TUSC3: variants seen among roughly 807,000 people sequenced by gnomAD.
TUSC3 encodes dolichyl-diphosphooligosaccharide--protein glycosyltransferase subunit TUSC3.
In TUSC3, 45 loss-of-function variants were observed where a neutral mutation model predicts 44.8. That is an observed-to-expected ratio of 1.00 (90% CI 0.79 to 1.29). The LOEUF (loss-of-function observed/expected upper bound fraction) is 1.29. Ranked by LOEUF, TUSC3 falls within the 50% of genes most tolerant of loss-of-function variation. The pLI, the probability that TUSC3 is intolerant of heterozygous loss-of-function variation, is 0.00. For synonymous variants in TUSC3, 212 were observed against 152.9 expected (o/e 1.39, Z -2.85); for missense variants, 519 against 437.9 (o/e 1.19, Z -1.65).
chr8:15,687,358 G>A (rs553595164), intron 6 of TUSC3, among the ~76,000 whole-genome samples: 142 of 152,202 alleles, frequency 9.3e-4, no homozygotes, highest in Admixed American at 2.4e-3. Context: ...TGATATTTGA[G>A]GCTGCAATTG....
chr8:15,495,302 C>G (rs1037173905), intron 2 of TUSC3, among the ~76,000 whole-genome samples: 1 of 152,172 alleles, frequency 6.6e-6, no homozygotes, highest in Non-Finnish European at 1.5e-5. Context: ...GAGGCTTCTA[C>G]TTTGTCTCCC....
chr8:15,768,086 C>A (rs148715566), downstream of TUSC3, among the ~76,000 whole-genome samples: 321 of 152,212 alleles, frequency 2.1e-3, 2 homozygotes, highest in Middle Eastern at 0.024. Flanking sequence ...GTAAACAGCC[C>A]AGATAAGTGT....
In TUSC3 at chr8:15,480,965, C is replaced by A. The variant is rs560937921; in HGVS notation, n.92-2421C>A. Among the ~76,000 whole-genome samples, 901 of 152,072 alleles carry A rather than the reference C, an allele frequency of 5.9e-3. 12 individuals are homozygous for A. The highest frequency in any genetic ancestry group is 0.021 in the African/African-American group (851 of 41,510). Reference sequence around the variant, plus strand: ...TTTGCAACAGTATTAAGAAGTGGGGCCTTCAGGCAAGGTGGCTCACGCCTG... The same window carrying A: ...TTTGCAACAGTATTAAGAAGTGGGGACTTCAGGCAAGGTGGCTCACGCCTG... On this transcript the variant is annotated intron_variant and non_coding_transcript_variant, in intron 1 of 5. Transcript: ENST00000503191.
intron 10 of TUSC3, among the ~76,000 whole-genome samples, chr8:15,760,588 G>A (rs1237040088): frequency 1.3e-5 from 2 of 152,086 alleles, no homozygotes; most frequent in Non-Finnish European, 1.5e-5. Context: ...GGGGTGGGAC[G>A]TCAACAAAGA....
chr8:15,566,089 A>G (rs894686277), intron 1 of TUSC3, among the ~76,000 whole-genome samples: 1 of 152,126 alleles, frequency 6.6e-6, no homozygotes, highest in African/African-American at 2.4e-5. Flanking sequence ...TAACAAAGCC[A>G]CTCAGCCCCT....
chr8:15,629,825 G>C (rs1429344090), intron 2 of TUSC3, among the ~76,000 whole-genome samples: 1 of 151,244 alleles, frequency 6.6e-6, no homozygotes, highest in Non-Finnish European at 1.5e-5. Flanking sequence ...TGGTGAATGA[G>C]CTTTTGGCTT....
chr8:15,847,204 G>C, the TUSC3 span, among the ~76,000 whole-genome samples: 1 of 152,178 alleles, frequency 6.6e-6, no homozygotes, highest in African/African-American at 2.4e-5. Flanking sequence ...CTGGGTTGTA[G>C]CACATATGTG....
At chr8:15,476,603 G>A (rs1034611911) in intron 1 of TUSC3, among the ~76,000 whole-genome samples, 5 of 152,186 alleles carry the variant, frequency 3.3e-5, no homozygotes, top group African/African-American at 1.2e-4. Flanking sequence ...GCTTCTTGGT[G>A]TTTTGAACAA....
At chr8:15,531,557 C>G (rs1801450111) in intron 2 of TUSC3, among the ~76,000 whole-genome samples, 1 of 152,182 alleles carries the variant, frequency 6.6e-6, no homozygotes, top group South Asian at 2.1e-4. Context: ...CAGCCTAAAG[C>G]TTTTTAATAA....
At chr8:15,684,500 C>CTTAGCCCAA (rs1808548574) in intron 6 of TUSC3, among the ~76,000 whole-genome samples, 1 of 152,162 alleles carries the variant, frequency 6.6e-6, no homozygotes, top group South Asian at 2.1e-4. Flanking sequence ...GCAGGCCCAA[C>CTTAGCCCAA]CGGCTAAGCT....
At chr8:15,590,601 G>T (rs1803788569) in intron 1 of TUSC3, among the ~76,000 whole-genome samples, 1 of 151,908 alleles carries the variant, frequency 6.6e-6, no homozygotes, top group Non-Finnish European at 1.5e-5. Flanking sequence ...GTTGCTCTAT[G>T]TGGGGGATTC....
the TUSC3 span, among the ~76,000 whole-genome samples, chr8:15,803,557 T>G: frequency 6.6e-6 from 1 of 152,182 alleles, no homozygotes; most frequent in East Asian, 1.9e-4. Flanking sequence ...TTCATTTTTA[T>G]ATTTTACCTT....
intron 6 of TUSC3, among the ~76,000 whole-genome samples, chr8:15,722,764 C>T (rs1274674069): frequency 6.6e-6 from 1 of 151,910 alleles, no homozygotes; most frequent in Non-Finnish European, 1.5e-5. Flanking sequence ...AACAAATCAT[C>T]TTACACTGGT....
intron 1 of TUSC3, among the ~76,000 whole-genome samples, chr8:15,560,539 G>T (rs1370817088): frequency 6.7e-6 from 1 of 148,440 alleles, no homozygotes; most frequent in African/African-American, 2.4e-5. Flanking sequence ...TCCTGAATCT[G>T]AACGTTGGCC....
chr8:15,543,062 GC>G (rs60842468), intron 1 of TUSC3, among the ~76,000 whole-genome samples: 85 of 152,244 alleles, frequency 5.6e-4, no homozygotes, highest in African/African-American at 1.9e-3. Context: ...AGGGAAACAC[GC>G]TATATTGGAA....
chr8:15,516,999 A>G (rs1465922097), intron 2 of TUSC3, among the ~76,000 whole-genome samples: 1 of 152,184 alleles, frequency 6.6e-6, no homozygotes, highest in Admixed American at 6.5e-5. Context: ...TAGAAATAAG[A>G]AGTTCCTCAA....
rs766128427 is a variant in TUSC3, at chr8:15,673,750, A to G, written c.712A>G (p.Ile238Val). 7.4e-6 allele frequency: 12 copies of G among 1,612,170 alleles called. No homozygotes were observed. The highest frequency in any genetic ancestry group is 3.3e-4 in the Middle Eastern group (2 of 6,054). The change falls in exon 6 of 11, where the codon ATA (isoleucine) becomes GTA (valine). Residue 238 changes from isoleucine to valine, a missense_variant. Physicochemically the swap from Ile to Val is conservative, Grantham distance 29. Transcript: ENST00000503731. Reference sequence around the variant, plus strand: ...AACACTGCACCCTGTTTTTCAGTGTATAGTCTTTGCTATGACTTCTGGCCA... The same window carrying G: ...AACACTGCACCCTGTTTTTCAGTGTGTAGTCTTTGCTATGACTTCTGGCCA... ...KTGWAMVSLC[I>V]VFAMTSGQMW...
At chr8:15,717,984 C>G (rs4366084) in intron 6 of TUSC3, among the ~76,000 whole-genome samples, 6,072 of 152,026 alleles carry the variant, frequency 0.04, 356 homozygotes, top group African/African-American at 0.14. Context: ...AGCCAAGACA[C>G]TATGTTTTGT....
At chr8:15,567,104 T>G (rs565374403) in intron 1 of TUSC3, among the ~76,000 whole-genome samples, 1 of 152,288 alleles carries the variant, frequency 6.6e-6, no homozygotes, top group African/African-American at 2.4e-5. Flanking sequence ...CATATCTTTC[T>G]GGGTCACAGT....
Sources: gnomAD v4.1 joint callset for allele counts (sites outside exome capture counted in the v4.1 genomes callset) on GRCh38, gnomAD v4.1.1 for gene constraint, MANE v1.5 for transcripts, NCBI Gene and HGNC (gene_info 2026-07-23, HGNC 2026-07-21) for gene names.